Variants in GRM5 observed in about 807,000 individuals in gnomAD.
GRM5 encodes glutamate metabotropic receptor 5.
GRM5 carries 19 observed loss-of-function variants against 83.1 expected under a neutral mutation model. The ratio of observed to expected loss-of-function variants is 0.23; its 90% CI spans 0.16 to 0.34. GRM5 has a LOEUF of 0.34. GRM5 is among the 10% of genes least tolerant of loss of function. The pLI is 1.00. For missense variants in GRM5, 1,160 were observed against 1,588.3 expected, an observed-to-expected ratio of 0.73 and a Z score of 4.58; for synonymous variants, 675 against 633.6, an observed-to-expected ratio of 1.07 and a Z score of -0.98.
intron 3 of GRM5, among the ~76,000 whole-genome samples, chr11:88,771,886 C>T (rs12222022): frequency 0.28 from 42,460 of 152,012 alleles, 6,962 homozygotes; most frequent in Non-Finnish European, 0.38. Flanking sequence ...ATTCCCATGG[C>T]AATCACTGGT....
At chr11:88,539,327 T>C (rs568731754) in intron 8 of GRM5, among the ~76,000 whole-genome samples, 1 of 152,338 alleles carries the variant, frequency 6.6e-6, no homozygotes, top group African/African-American at 2.4e-5. Flanking sequence ...AGCCTGGATC[T>C]ACTTGTTTAC....
intron 3 of GRM5, among the ~76,000 whole-genome samples, chr11:88,671,881 A>G (rs1940202603): frequency 6.6e-6 from 1 of 152,078 alleles, no homozygotes; most frequent in Admixed American, 6.6e-5. Context: ...ATTTCATGCA[A>G]ATTCAATGTA....
chr11:88,751,083 A>AT (rs1383280444), intron 3 of GRM5, among the ~76,000 whole-genome samples: 22 of 147,856 alleles, frequency 1.5e-4, no homozygotes, highest in Non-Finnish European at 2.0e-4. Flanking sequence ...AAAAAAAAAA[A>AT]AAAAAAAAAA....
At position 88,522,601 on chromosome 11, in the gene GRM5, C is replaced by CTGTG. The variant is rs1228808793; in HGVS notation, c.2726+2707_2726+2708insCACA. Among the ~76,000 whole-genome samples the CTGTG allele has an allele frequency of 6.3e-3, 588 of 93,544 alleles. 9 individuals carry two copies. The East Asian group carries it at 0.081, about 13-fold the overall frequency. The allele number at this position is 93,544 out of a possible 152,430, so 61.4% of individuals were successfully genotyped here. A position where few individuals can be genotyped will look rare whatever the true frequency, so the allele number is the denominator to read the frequency against. ...TCTCTCTCTCTCGCTCTCTCTCTCT[C>CTGTG]TCTGTGTGTGTGTGTGTGTGTGTGT... On this transcript the variant is annotated intron_variant, in intron 9 of 9. Transcript: ENST00000305447.
At chr11:88,943,397 C>T (rs1215629156) in intron 2 of GRM5, among the ~76,000 whole-genome samples, 1 of 152,008 alleles carries the variant, frequency 6.6e-6, no homozygotes, top group Non-Finnish European at 1.5e-5. Context: ...TCATTTTCAC[C>T]ATTTCTTCTA....
intron 4 of GRM5, among the ~76,000 whole-genome samples, chr11:88,644,840 G>A (rs1227778048): frequency 6.6e-6 from 1 of 151,952 alleles, no homozygotes; most frequent in East Asian, 1.9e-4. Context: ...GCACCACAGT[G>A]GCAAAAAGCT....
chr11:88,825,404 G>A (rs1190031557), intron 3 of GRM5, among the ~76,000 whole-genome samples: 1 of 151,996 alleles, frequency 6.6e-6, no homozygotes, highest in Non-Finnish European at 1.5e-5. Context: ...ATTTACATTA[G>A]CCCAATCTGC....
intron 2 of GRM5, among the ~76,000 whole-genome samples, chr11:88,887,545 TG>T (rs1223529759): frequency 3.9e-5 from 6 of 152,142 alleles, no homozygotes; most frequent in Non-Finnish European, 8.8e-5. Flanking sequence ...TAAGTGCCTC[TG>T]TTTCCATAGC....
At chr11:89,035,218 G>T (rs1227438792) in intron 2 of GRM5, among the ~76,000 whole-genome samples, 2 of 151,508 alleles carry the variant, frequency 1.3e-5, no homozygotes, top group African/African-American at 4.8e-5. Flanking sequence ...AACATCATTT[G>T]TAGCTTTTAT....
intron 2 of GRM5, among the ~76,000 whole-genome samples, chr11:88,933,359 G>A (rs1359920110): frequency 6.6e-6 from 1 of 151,504 alleles, no homozygotes; most frequent in Admixed American, 6.6e-5. Context: ...TTCCTCTATT[G>A]GTGAAAGGTC....
rs912453455 is a variant in GRM5, at chr11:89,054,484, A to C, written c.-200-6412T>G. ...GATCATTGAATGAGCAGGCAGATGT[A>C]GGGGGCTGAATTCTGAAGAGAGGTC... On this transcript the variant is annotated intron_variant, in intron 1 of 9. Coordinates refer to ENST00000305447, the MANE Select transcript of GRM5 (RefSeq NM_001143831.3). Among the ~76,000 whole-genome samples, 66 of 152,206 alleles carry C rather than the reference A, an allele frequency of 4.3e-4. 1 individual carries two copies. Among genetic ancestry groups the C allele is most frequent in the Non-Finnish European group, 5.9e-5 (4 of 68,036 alleles).
intron 3 of GRM5, among the ~76,000 whole-genome samples, chr11:88,725,795 C>CCTGA (rs199947951): frequency 0.046 from 6,994 of 152,176 alleles, 168 homozygotes; most frequent in Middle Eastern, 0.075. Context: ...AGCAGAGGGG[C>CCTGA]CTGACTGTTA....
chr11:88,921,863 A>G (rs1945698242), intron 2 of GRM5, among the ~76,000 whole-genome samples: 1 of 152,148 alleles, frequency 6.6e-6, no homozygotes, highest in South Asian at 2.1e-4. Flanking sequence ...TAATGATGCC[A>G]TCAAAAACCT....
At chr11:88,514,169 C>T (rs1370647621) in intron 9 of GRM5, among the ~76,000 whole-genome samples, 1 of 152,024 alleles carries the variant, frequency 6.6e-6, no homozygotes, top group Non-Finnish European at 1.5e-5. Context: ...ACCATTTAAC[C>T]CTTTTGCAAA....
chr11:89,048,696 T>A (rs1349255740), intron 1 of GRM5, among the ~76,000 whole-genome samples: 1 of 152,082 alleles, frequency 6.6e-6, no homozygotes, highest in Non-Finnish European at 1.5e-5. Flanking sequence ...TGAAGAAAGG[T>A]GGGTGTTTCA....
At chr11:88,560,235 G>A (rs1299290517) in intron 8 of GRM5, among the ~76,000 whole-genome samples, 1 of 152,226 alleles carries the variant, frequency 6.6e-6, no homozygotes, top group South Asian at 2.1e-4. Flanking sequence ...TCTAAACAGG[G>A]TTTAAAACAC....
At chr11:88,993,920 G>A (rs1591030244) in intron 2 of GRM5, among the ~76,000 whole-genome samples, 1 of 152,010 alleles carries the variant, frequency 6.6e-6, no homozygotes, top group East Asian at 1.9e-4. Context: ...ACCTCCATAT[G>A]TTGCCCAGGC....
chr11:88,957,805 T>C (rs937543678), intron 2 of GRM5, among the ~76,000 whole-genome samples: 1 of 152,144 alleles, frequency 6.6e-6, no homozygotes, highest in Admixed American at 6.5e-5. Context: ...ATAATCTTAA[T>C]ATTTCATTCA....
intron 3 of GRM5, among the ~76,000 whole-genome samples, chr11:88,784,928 A>C (rs1285997067): frequency 6.6e-6 from 1 of 152,074 alleles, no homozygotes. Flanking sequence ...ACAGCTCTCT[A>C]TATGACATAT....
Sources: allele counts gnomAD v4.1 joint callset (sites outside exome capture counted in the v4.1 genomes callset), GRCh38; gene constraint gnomAD v4.1.1; transcripts MANE v1.5; gene names NCBI Gene and HGNC (gene_info 2026-07-23, HGNC 2026-07-21).